Variants in ANK1 observed in about 807,000 individuals in gnomAD.
ANK1 encodes ankyrin 1.
ANK1 carries 51 observed loss-of-function variants against 210.4 expected under a neutral mutation model. The ratio of observed to expected loss-of-function variants is 0.24; its 90% CI spans 0.19 to 0.31. The LOEUF is 0.31. Ranked by LOEUF, ANK1 falls within the 10% of genes least tolerant of loss-of-function variation. The pLI, the probability that ANK1 is intolerant of heterozygous loss-of-function variation, is 1.00. For missense variants in ANK1, 2,051 were observed against 2,504.4 expected, an observed-to-expected ratio of 0.82 and a Z score of 3.86; for synonymous variants, 967 against 1,025.9, an observed-to-expected ratio of 0.94 and a Z score of 1.10.
Position 41,672,695 on chromosome 8 carries a change from C to T in ANK1, c.4755G>A (p.Leu1585=). Residue 1585 remains leucine, a synonymous_variant, in exon 38 of 43, where the codon CTG becomes CTA. Transcript: ENST00000289734. The stretch of plus-strand genomic sequence containing the variant: ...CAGAGTCCTCAGCCTTGCTACACTC[C>T]AGAGAGGAGTCCTCAGCAGTGACCA... ...PSLVTAEDSS[L]ECSKAEDSDA... is the part of the protein sequence containing the mutation. 6.2e-7 allele frequency: 1 copy of T among 1,613,578 alleles called. No individual in the cohort carries two copies. The highest frequency in any genetic ancestry group is 1.1e-5 in the South Asian group (1 of 91,062).
intron 1 of ANK1, among the ~76,000 whole-genome samples, chr8:41,867,172 A>G (rs1814633366): frequency 6.6e-6 from 1 of 152,226 alleles, no homozygotes; most frequent in Non-Finnish European, 1.5e-5. Context: ...CCCTAGAAAG[A>G]GTCCTCTCAG....
chr8:41,810,698 A>T (rs1802355875), intron 1 of ANK1, among the ~76,000 whole-genome samples: 2 of 152,218 alleles, frequency 1.3e-5, no homozygotes, highest in African/African-American at 4.8e-5. Flanking sequence ...CGATGGGTTC[A>T]TCTTGCCCGC....
intron 1 of ANK1, among the ~76,000 whole-genome samples, chr8:41,844,500 G>A (rs1809634548): frequency 6.6e-6 from 1 of 151,780 alleles, no homozygotes; most frequent in Non-Finnish European, 1.5e-5. Context: ...CCCCGCAACT[G>A]ATGCACCCAC....
At chr8:41,733,346 A>C (rs1832684615) in intron 3 of ANK1, among the ~76,000 whole-genome samples, 1 of 152,196 alleles carries the variant, frequency 6.6e-6, no homozygotes, top group Admixed American at 6.5e-5. Context: ...AATGAAAGAA[A>C]TCTGGATTCT....
intron 1 of ANK1, among the ~76,000 whole-genome samples, chr8:41,843,307 G>A (rs1200121734): frequency 2.0e-5 from 3 of 152,142 alleles, no homozygotes; most frequent in Non-Finnish European, 4.4e-5. Context: ...ACATTGTTGT[G>A]AAGTATAGTC....
rs900076492 is a variant in ANK1 at position 41,877,245 on chromosome 8, A to G, written c.126+19110T>C. Among the ~76,000 whole-genome samples the G allele has an allele frequency of 2.0e-5, 3 of 152,286 alleles. 1 individual carries two copies. The highest frequency in any genetic ancestry group is 1.9e-4 in the East Asian group (1 of 5,204). On this transcript the variant is annotated intron_variant, in intron 1 of 42. Coordinates refer to the ANK1 transcript ENST00000265709. ...TGAAAAGGGTGGGACCCGCTGGAGA[A>G]GCACACATCCTGGTCCAGACCATGG... is the stretch of plus-strand genomic sequence containing the variant.
intron 1 of ANK1, among the ~76,000 whole-genome samples, chr8:41,845,579 G>A (rs1272834829): frequency 1.3e-5 from 2 of 151,960 alleles, no homozygotes; most frequent in East Asian, 1.9e-4. Context: ...GGGGCTTGGG[G>A]GGGTCTGGAT....
At chr8:41,734,236 C>A (rs1177924876) in intron 2 of ANK1, among the ~76,000 whole-genome samples, 167 bp from the exon 3 acceptor site, 1 of 152,204 alleles carries the variant, frequency 6.6e-6, no homozygotes, top group Non-Finnish European at 1.5e-5. Flanking sequence ...GGCCACCCAG[C>A]CTCCCCTTCA....
intron 1 of ANK1, among the ~76,000 whole-genome samples, chr8:41,821,343 C>T (rs1212507836): frequency 6.6e-6 from 1 of 152,074 alleles, no homozygotes; most frequent in African/African-American, 2.4e-5. Context: ...TTGTTTATAT[C>T]ACTTTGTGGC....
chr8:41,890,337 T>A (rs1819172862), intron 1 of ANK1, among the ~76,000 whole-genome samples: 1 of 151,910 alleles, frequency 6.6e-6, no homozygotes, highest in Admixed American at 6.6e-5. Flanking sequence ...CTGTAGGAGG[T>A]GGAGTTTTGA....
chr8:41,719,560 G>T, intron 10 of ANK1, 101 bp downstream of exon 10: 1 of 1,498,138 alleles, frequency 6.7e-7, no homozygotes, highest in Non-Finnish European at 9.2e-7. Flanking sequence ...GGGGAGCTCC[G>T]GGCACCTGCC....
chr8:41,781,761 G>A (rs1217121987), intron 1 of ANK1, among the ~76,000 whole-genome samples: 8 of 152,142 alleles, frequency 5.3e-5, no homozygotes, highest in Non-Finnish European at 7.4e-5. Flanking sequence ...ACAGACCCCC[G>A]ACTCAGGGCG....
At position 41,696,416 on chromosome 8, in the gene ANK1, C is replaced by T; in HGVS notation, c.2907G>A (p.Glu969=). ...LSTPPPLAEE[E]GLASRIIALG... Reference sequence around the variant, plus strand: ...GTGCTATGATCCTGCTGGCCAGGCCCTCCTCCTCGGCCAGTGGGGGCGGCG... The same window carrying T: ...GTGCTATGATCCTGCTGGCCAGGCCTTCCTCCTCGGCCAGTGGGGGCGGCG... The change falls in exon 26 of 43, where the codon GAG becomes GAA. Residue 969 remains glutamate (E), a synonymous_variant. Coordinates refer to ENST00000289734, the MANE Select transcript of ANK1 (RefSeq NM_000037.4). The T allele has an allele frequency of 6.2e-7, 1 of 1,613,268 alleles. No individual in the cohort carries two copies. Among genetic ancestry groups the T allele is most frequent in the Non-Finnish European group, 8.5e-7 (1 of 1,179,812 alleles).
chr8:41,664,702 G>A (rs999301487), intron 39 of ANK1: 54 of 1,188,590 alleles, frequency 4.5e-5, no homozygotes, highest in African/African-American at 3.3e-4. Context: ...TTCCTCCGGC[G>A]TCTCCCAACT....
At chr8:41,770,821 G>C (rs548738502) in intron 1 of ANK1, among the ~76,000 whole-genome samples, 2 of 152,328 alleles carry the variant, frequency 1.3e-5, no homozygotes, top group African/African-American at 4.8e-5. Context: ...AAAGCTAAGG[G>C]AGAGAGCCCT....
chr8:41,703,422 G>GTGTGTATATATATATA (rs1286560913), intron 20 of ANK1, among the ~76,000 whole-genome samples: 33 of 53,750 alleles, frequency 6.1e-4, no homozygotes, highest in Non-Finnish European at 6.3e-4. Context: ...GTGTGTGTGT[G>GTGTGTATATATATATA]TATATATATA....
intron 1 of ANK1, among the ~76,000 whole-genome samples, chr8:41,845,650 G>A (rs1180759016): frequency 6.6e-6 from 1 of 151,960 alleles, no homozygotes; most frequent in East Asian, 1.9e-4. Flanking sequence ...AGTGAAGAAG[G>A]GAGAAATGAT....
chr8:41,834,474 G>A (rs746793860), intron 1 of ANK1, among the ~76,000 whole-genome samples: 49 of 152,290 alleles, frequency 3.2e-4, no homozygotes, highest in Admixed American at 8.5e-4. Flanking sequence ...GACCTGCCTC[G>A]GCCGGTCAAA....
chr8:41,668,596 C>G, intron 38 of ANK1, 32 bp from the exon 39 acceptor site: 1 of 1,598,194 alleles, frequency 6.3e-7, no homozygotes, highest in South Asian at 1.1e-5. Flanking sequence ...AGATGGCCGG[C>G]CGGGGAGAGA....
Sources: allele counts gnomAD v4.1 joint callset (sites outside exome capture counted in the v4.1 genomes callset), GRCh38; gene constraint gnomAD v4.1.1; transcripts MANE v1.5; gene names NCBI Gene and HGNC (gene_info 2026-07-23, HGNC 2026-07-21).